RPH3AL: variants seen among roughly 807,000 people sequenced by gnomAD.
RPH3AL encodes rabphilin 3A like (without C2 domains).
RPH3AL carries 38 observed loss-of-function variants against 43.1 expected under a neutral mutation model. That is an observed-to-expected ratio of 0.88 (90% CI 0.68 to 1.15). The LOEUF (loss-of-function observed/expected upper bound fraction) is 1.15, where lower values mean the gene tolerates loss of function less well. RPH3AL is among the 50% of genes most tolerant of loss of function. The probability of loss-of-function intolerance (pLI) is 0.00; values close to 1 mark genes in which losing one functional copy is unlikely to be tolerated. For synonymous variants in RPH3AL, 189 were observed against 176.3 expected, an observed-to-expected ratio of 1.07 and a Z score of -0.57; for missense variants, 462 against 423.2, an observed-to-expected ratio of 1.09 and a Z score of -0.81.
intron 6 of RPH3AL, among the ~76,000 whole-genome samples, chr17:275,768 A>G (rs1193587044): frequency 2.0e-5 from 3 of 152,200 alleles, no homozygotes; most frequent in Non-Finnish European, 4.4e-5. Flanking sequence ...GCTGGTCTCA[A>G]GCTCCTGGGC....
intron 6 of RPH3AL, among the ~76,000 whole-genome samples, chr17:251,934 T>C (rs1298327005): frequency 4.6e-5 from 7 of 151,594 alleles, no homozygotes; most frequent in Non-Finnish European, 8.8e-5. Flanking sequence ...CACGCCACAC[T>C]GTCTCCCCCA....
At chr17:305,601 C>T (rs1413700433) in intron 5 of RPH3AL, among the ~76,000 whole-genome samples, 1 of 152,028 alleles carries the variant, frequency 6.6e-6, no homozygotes, top group Non-Finnish European at 1.5e-5. Flanking sequence ...GCAGGACACC[C>T]GAGTGGAGAT....
chr17:298,577 C>T (rs114350288), intron 5 of RPH3AL, among the ~76,000 whole-genome samples: 6,496 of 151,896 alleles, frequency 0.043, 157 homozygotes, highest in African/African-American at 0.052. Context: ...TGGAGGCACA[C>T]TCCTGTAGCC....
intron 5 of RPH3AL, among the ~76,000 whole-genome samples, chr17:314,474 C>T (rs1555518186): frequency 7.0e-6 from 1 of 141,878 alleles, no homozygotes; most frequent in Non-Finnish European, 1.6e-5. Context: ...TATGCCCCCA[C>T]CTCCATTGAC....
intron 6 of RPH3AL, chr17:261,719 T>C (rs926727191): frequency 2.6e-5 from 4 of 152,170 alleles, no homozygotes; most frequent in Non-Finnish European, 5.9e-5. Context: ...TTTAAACTCA[T>C]AAGGACGCTG....
rs564039910 is a variant in RPH3AL, at chr17:331,921, C to A, written c.-37+1838G>T. On this transcript the variant is annotated intron_variant, in intron 2 of 9. Coordinates refer to ENST00000331302, the MANE Select transcript of RPH3AL (RefSeq NM_006987.4). Reference sequence around the variant, plus strand: ...AACTGATGAGGGAACAAAATAGGGCCTTATAGAAGGTGAGTGGAAAAGCAG... The same window carrying A: ...AACTGATGAGGGAACAAAATAGGGCATTATAGAAGGTGAGTGGAAAAGCAG... The A allele has an allele frequency of 1.4e-5, 18 of 1,246,444 alleles. No individual in the cohort carries two copies. In the African/African-American group the frequency reaches 2.8e-4, roughly 19 times the overall value. The allele number at this position is 1,246,444 out of a possible 1,614,324, so 77.2% of individuals were successfully genotyped here. A position where few individuals can be genotyped will look rare whatever the true frequency, so the allele number is the denominator to read the frequency against.
chr17:350,912 C>T (rs374172463), intron 1 of RPH3AL, among the ~76,000 whole-genome samples: 3 of 152,126 alleles, frequency 2.0e-5, no homozygotes, highest in Admixed American at 6.6e-5. Context: ...TTCAGCTGGC[C>T]GCACCCACTT....
chr17:272,449 T>C (rs1398694830), intron 6 of RPH3AL, among the ~76,000 whole-genome samples: 1 of 151,742 alleles, frequency 6.6e-6, no homozygotes, highest in Non-Finnish European at 1.5e-5. Flanking sequence ...GTTCATGTCC[T>C]TTGTAGGGAC....
At chr17:339,088 C>T (rs2045045243) in intron 1 of RPH3AL, 1 of 152,408 alleles carries the variant, frequency 6.6e-6, no homozygotes, top group East Asian at 1.9e-4. Flanking sequence ...CAAGGCCATC[C>T]CCGGCTGACC....
rs190217248 is a variant in RPH3AL, at chr17:312,397, G to C, written c.351+7023C>G. Among the ~76,000 whole-genome samples, 356 of 152,318 alleles carry C rather than the reference G, an allele frequency of 2.3e-3. 1 individual carries two copies. Among genetic ancestry groups the C allele is most frequent in the African/African-American group, 7.9e-3 (329 of 41,572 alleles). On this transcript the variant is annotated intron_variant, in intron 5 of 9. Transcript: ENST00000331302. The stretch of plus-strand genomic sequence containing the variant: ...GGCAGCTGTCTGCAAGCCATGAACA[G>C]GGCCCTCACCAGACACAGAATCAGC...
chr17:299,892 G>A (rs956767791), intron 5 of RPH3AL, among the ~76,000 whole-genome samples: 1 of 152,260 alleles, frequency 6.6e-6, no homozygotes, highest in Non-Finnish European at 1.5e-5. Flanking sequence ...GAGCCTAGGG[G>A]GCAGGTGTCC....
intron 7 of RPH3AL, among the ~76,000 whole-genome samples, chr17:228,322 C>T (rs534712065): frequency 6.6e-5 from 10 of 152,300 alleles, no homozygotes; most frequent in East Asian, 1.9e-4. Context: ...AGATTACAGG[C>T]GTGAGTGCCC....
Position 332,701 on chromosome 17 carries a change from C to T in RPH3AL, c.-37+1058G>A, listed in dbSNP as rs553726590. ...CAGGCCGTTTGTCCCTCAAGATTCC[C>T]CACGGGGTAGTCGGCCTCAAGGCAG... On this transcript the variant is annotated intron_variant, in intron 2 of 9. Transcript: ENST00000331302. 8.0e-5 allele frequency: 20 copies of T among 248,702 alleles called. 1 individual carries two copies. In the South Asian group the frequency reaches 1.0e-3, roughly 12 times the overall value. 15.4% of individuals were successfully genotyped at this position (248,702 alleles called of 1,614,324 possible).
chr17:331,920 C>A, intron 2 of RPH3AL: 2 of 1,247,340 alleles, frequency 1.6e-6, no homozygotes, highest in Non-Finnish European at 2.1e-6. Flanking sequence ...CAAAATAGGG[C>A]CTTATAGAAG....
In RPH3AL at chr17:346,985, G is replaced by A. The variant is rs1308645456; in HGVS notation, c.-213+5727C>T. ...TGTAAAATGGCCCAGCCGGCCAGGC[G>A]CGGTGGCTCACGCCTGTAATCCCAG... On this transcript the variant is annotated intron_variant, in intron 1 of 9. Transcript: ENST00000331302. 1.5e-5 allele frequency among the ~76,000 whole-genome samples: 2 copies of A among 135,716 alleles called. 1 individual carries two copies. Among genetic ancestry groups the A allele is most frequent in the Non-Finnish European group, 3.4e-5 (2 of 59,510 alleles). The allele number at this position is 135,716 out of a possible 152,430, so 89.0% of individuals were successfully genotyped here.
rs1450831622 is a variant in RPH3AL, at chr17:245,338, G to T, written c.613+1773C>A. Among the ~76,000 whole-genome samples, 5 of 147,686 alleles carry T rather than the reference G, an allele frequency of 3.4e-5. No homozygotes were observed. In the Admixed American group the frequency reaches 3.4e-4, roughly 10 times the overall value. ...ATGTGGATGTCAGTGTGTGTGTGTGGATGTGAGTGTGTATGTGGATGTCAG... is the reference window on the plus strand; with the variant it reads ...ATGTGGATGTCAGTGTGTGTGTGTGTATGTGAGTGTGTATGTGGATGTCAG... On this transcript the variant is annotated intron_variant, in intron 7 of 9. Transcript: ENST00000331302. This position sits in a 1 kb window ranked among gnomAD's most constrained non-coding sequence, Gnocchi z 5.9.
Position 283,858 on chromosome 17 carries a change from T to G in RPH3AL, c.352-2004A>C, listed in dbSNP as rs1386294428. Among the ~76,000 whole-genome samples, 1 of 152,168 alleles carries G rather than the reference T, an allele frequency of 6.6e-6. No individual in the cohort carries two copies. The highest frequency in any genetic ancestry group is 1.5e-5 in the Non-Finnish European group (1 of 68,008). On this transcript the variant is annotated intron_variant, in intron 5 of 9. Transcript: ENST00000331302. The surrounding 1 kb of genome is among the most constrained non-coding windows in gnomAD (Gnocchi z 4.2). ...CTCCACCTCTTCCACCCTTCGCTCC[T>G]AATGTTCCCACCTCTACAACAGGGT...
chr17:253,458 G>A lies in RPH3AL; in HGVS notation c.439-6173C>T, dbSNP rs948620795. On this transcript the variant is annotated intron_variant, in intron 6 of 9. Coordinates refer to ENST00000331302, the MANE Select transcript of RPH3AL (RefSeq NM_006987.4). ...TGGACTTCCGAGCTGCTCCTTTGCG[G>A]CACCGGACCACGGTTTTGGCCTCCG... is the stretch of plus-strand genomic sequence containing the variant. 2.0e-5 allele frequency among the ~76,000 whole-genome samples: 3 copies of A among 152,126 alleles called. No homozygotes were observed. The East Asian group carries it at 5.8e-4, about 29-fold the overall frequency.
chr17:309,783 T>A (rs917439791), intron 5 of RPH3AL, among the ~76,000 whole-genome samples: 1 of 151,192 alleles, frequency 6.6e-6, no homozygotes, highest in African/African-American at 2.4e-5. Flanking sequence ...CTGCCAGGGG[T>A]CCGGGATGAC....
Sources: gnomAD v4.1 joint callset for allele counts (sites outside exome capture counted in the v4.1 genomes callset) on GRCh38, gnomAD v4.1.1 for gene constraint, Gnocchi (gnomAD v3.1) non-coding constraint, MANE v1.5 for transcripts, NCBI Gene and HGNC (gene_info 2026-07-23, HGNC 2026-07-21) for gene names.